Variants in ARL14EPL observed in about 807,000 individuals in gnomAD.
ARL14EPL encodes ARL14 effector protein-like.
A neutral mutation model predicts 15.9 loss-of-function variants in ARL14EPL; 17 were observed. That is an observed-to-expected ratio of 1.07 (90% CI 0.73 to 1.60). The LOEUF is 1.60. Among genes scored for constraint, ARL14EPL ranks in the 40% most tolerant of loss-of-function variants. The probability of loss-of-function intolerance (pLI) is 0.00; values close to 1 mark genes in which losing one functional copy is unlikely to be tolerated. For missense variants in ARL14EPL, 214 were observed against 185.9 expected, an observed-to-expected ratio of 1.15 and a Z score of -0.88; for synonymous variants, 78 against 63.8, an observed-to-expected ratio of 1.22 and a Z score of -1.06.
chr5:116,051,695 G>C (rs925490473), intron 2 of ARL14EPL, 134 bp downstream of exon 2: 1 of 795,390 alleles, frequency 1.3e-6, no homozygotes, highest in Non-Finnish European at 2.0e-6. Flanking sequence ...CGCCCAGGCT[G>C]ATAGAGCTTT....
intron 2 of ARL14EPL, 47 bp downstream of exon 2, chr5:116,051,608 C>T (rs1749381163): frequency 7.0e-7 from 1 of 1,433,050 alleles, no homozygotes. Flanking sequence ...GGAGTGCCCC[C>T]TCGAGGATCT....
Position 116,053,039 on chromosome 5 carries a change from C to G in ARL14EPL, c.97-975C>G, listed in dbSNP as rs141283363. Among the ~76,000 whole-genome samples the G allele has an allele frequency of 2.7e-3, 413 of 152,180 alleles. 2 individuals are homozygous for G. The highest frequency in any genetic ancestry group is 9.6e-3 in the African/African-American group (400 of 41,528). On this transcript the variant is annotated intron_variant, in intron 2 of 3. Transcript: ENST00000686077. ...CAGGCCCCATTTAATTTCTAATTGT[C>G]TTTCAGCTCAGGCCCCATCTAATTT... is the stretch of plus-strand genomic sequence containing the variant.
At chr5:116,054,515 T>C (rs549098756) in intron 3 of ARL14EPL, among the ~76,000 whole-genome samples, 12 of 152,298 alleles carry the variant, frequency 7.9e-5, no homozygotes, top group African/African-American at 2.6e-4. Flanking sequence ...AGTACAATGA[T>C]TGTTAGTGCA....
intron 2 of ARL14EPL, chr5:116,052,229 T>G: frequency 6.2e-7 from 1 of 1,604,816 alleles, no homozygotes; most frequent in Non-Finnish European, 8.5e-7. Flanking sequence ...CACTGGGTCT[T>G]TGTTTTTCTT....
chr5:116,050,356 G>A (rs543726870), intron 1 of ARL14EPL, among the ~76,000 whole-genome samples: 7 of 152,226 alleles, frequency 4.6e-5, no homozygotes, highest in South Asian at 2.1e-4. Context: ...TTTGGTTTTC[G>A]TTTTCTGTAT....
At chr5:116,052,107 C>T in intron 2 of ARL14EPL, 1 of 1,613,094 alleles carries the variant, frequency 6.2e-7, no homozygotes. Context: ...TTGGGAACTT[C>T]CTTACAGAGT....
At chr5:116,057,303 G>A (rs1043814120) in intron 3 of ARL14EPL, among the ~76,000 whole-genome samples, 1 of 152,094 alleles carries the variant, frequency 6.6e-6, no homozygotes, top group African/African-American at 2.4e-5. Flanking sequence ...CTTCACTGCT[G>A]TAACACTCTT....
intron 1 of ARL14EPL, among the ~76,000 whole-genome samples, chr5:116,046,825 T>C (rs2560672): frequency 0.74 from 113,209 of 152,062 alleles, 42,894 homozygotes; most frequent in Middle Eastern, 0.84. Context: ...AAATTCATAA[T>C]TGAAGTCTGA....
chr5:116,057,917 G>C (rs2662480), intron 3 of ARL14EPL, among the ~76,000 whole-genome samples: 10 of 152,108 alleles, frequency 6.6e-5, no homozygotes, highest in African/African-American at 2.4e-4. Flanking sequence ...TATTTTTGTT[G>C]TTCTCAGGTT....
At chr5:116,039,939 G>A (rs1292495188) in intron 1 of ARL14EPL, among the ~76,000 whole-genome samples, 1 of 152,114 alleles carries the variant, frequency 6.6e-6, no homozygotes, top group Non-Finnish European at 1.5e-5. Flanking sequence ...TCTCAGATCT[G>A]CTTTTGTAAT....
intron 2 of ARL14EPL, chr5:116,052,166 C>G: frequency 6.2e-7 from 1 of 1,609,942 alleles, no homozygotes; most frequent in South Asian, 1.1e-5. Flanking sequence ...GAGCTTGTCC[C>G]GAACTTTGCC....
Position 116,042,875 on chromosome 5 carries a change from C to T in ARL14EPL, c.-9-8582C>T, listed in dbSNP as rs116283671. Among the ~76,000 whole-genome samples the T allele has an allele frequency of 2.6e-5, 4 of 152,196 alleles. No individual in the cohort carries two copies. The South Asian group carries it at 6.2e-4, about 24-fold the overall frequency. On this transcript the variant is annotated intron_variant, in intron 1 of 3. Coordinates refer to ENST00000686077, the MANE Select transcript of ARL14EPL (RefSeq NM_001195581.2). ...TGAAGGATAGTATCCTATAAATACT[C>T]TTTGTATTCTGCTTTTTAAATTTAA... is the stretch of plus-strand genomic sequence containing the variant.
At chr5:116,036,624 A>T (rs1245076127) in intron 1 of ARL14EPL, among the ~76,000 whole-genome samples, 1 of 152,216 alleles carries the variant, frequency 6.6e-6, no homozygotes, top group African/African-American at 2.4e-5. Context: ...AAAATTATAG[A>T]ATGTGCAGGA....
chr5:116,041,401 T>C lies in ARL14EPL; in HGVS notation c.-10+8896T>C. Among the ~76,000 whole-genome samples the C allele has an allele frequency of 1.3e-5, 2 of 152,202 alleles. 1 individual carries two copies. On this transcript the variant is annotated intron_variant, in intron 1 of 3. Coordinates refer to ENST00000686077, the MANE Select transcript of ARL14EPL (RefSeq NM_001195581.2). Reference sequence around the variant, plus strand: ...GAAGTTTTGGGGGAAAACACTGAAGTAGTTTTATCCTATTTTTTTGTTTTG... The same window carrying C: ...GAAGTTTTGGGGGAAAACACTGAAGCAGTTTTATCCTATTTTTTTGTTTTG...
chr5:116,053,473 A>C (rs546329000), intron 2 of ARL14EPL, among the ~76,000 whole-genome samples: 62 of 152,238 alleles, frequency 4.1e-4, no homozygotes, highest in African/African-American at 1.5e-3. Flanking sequence ...TTTGACTGAA[A>C]GTCGATCCTT....
chr5:116,036,223 A>G (rs563656985), intron 1 of ARL14EPL, among the ~76,000 whole-genome samples: 1 of 152,240 alleles, frequency 6.6e-6, no homozygotes, highest in Admixed American at 6.5e-5. Context: ...CTACTGCTAA[A>G]CCCCATTCAC....
chr5:116,050,829 G>GCACAAACACA (rs999940834), intron 1 of ARL14EPL, among the ~76,000 whole-genome samples: 56 of 140,886 alleles, frequency 4.0e-4, no homozygotes, highest in Non-Finnish European at 5.9e-4. Flanking sequence ...ACACACACAT[G>GCACAAACACA]CACACACACA....
intron 2 of ARL14EPL, chr5:116,052,067 G>T: frequency 1.2e-6 from 2 of 1,613,386 alleles, no homozygotes; most frequent in Non-Finnish European, 1.7e-6. Context: ...CAGTCTCTCA[G>T]AGACCACAGC....
intron 1 of ARL14EPL, among the ~76,000 whole-genome samples, chr5:116,041,226 T>C (rs2112669368): frequency 6.6e-6 from 1 of 152,246 alleles, no homozygotes; most frequent in Middle Eastern, 3.4e-3. Flanking sequence ...TCTATTACAT[T>C]CTATTCTATG....
Sources: allele counts gnomAD v4.1 joint callset (sites outside exome capture counted in the v4.1 genomes callset), GRCh38; gene constraint gnomAD v4.1.1; transcripts MANE v1.5; gene names NCBI Gene and HGNC (gene_info 2026-07-23, HGNC 2026-07-21).